The following ZNF804B variants were observed in gnomAD, a reference collection of about 807,000 sequenced individuals.
The protein encoded by ZNF804B is zinc finger 804B.
Under a neutral mutation model 101.4 loss-of-function variants are expected in ZNF804B, and 80 were observed. That is an observed-to-expected ratio of 0.79 (90% CI 0.66 to 0.95). The LOEUF is 0.95. ZNF804B is among the 40% of genes least tolerant of loss of function. ZNF804B has a pLI of 0.00. For missense variants in ZNF804B, 1,673 were observed against 1,561.9 expected, an observed-to-expected ratio of 1.07 and a Z score of -1.20; for synonymous variants, 622 against 558.8, an observed-to-expected ratio of 1.11 and a Z score of -1.59.
chr7:89,210,208 GTTAA>G (rs1398605641), intron 1 of ZNF804B, among the ~76,000 whole-genome samples: 1 of 151,330 alleles, frequency 6.6e-6, no homozygotes, highest in African/African-American at 2.4e-5. Flanking sequence ...TAATATTAAT[GTTAA>G]TTAAGTACAT....
intron 2 of ZNF804B, among the ~76,000 whole-genome samples, chr7:89,277,418 G>C (rs947250529): frequency 7.6e-6 from 1 of 130,786 alleles, no homozygotes; most frequent in South Asian, 2.4e-4. Flanking sequence ...ATGCTGGTGC[G>C]CTGCACCCAC....
intron 1 of ZNF804B, among the ~76,000 whole-genome samples, chr7:89,084,897 A>T (rs762996024): frequency 2.6e-5 from 4 of 151,994 alleles, no homozygotes; most frequent in Non-Finnish European, 5.9e-5. Context: ...GGTTTCTAAT[A>T]AGTAAAAATA....
chr7:88,909,382 A>G (rs1343913625), intron 1 of ZNF804B, among the ~76,000 whole-genome samples: 2 of 151,836 alleles, frequency 1.3e-5, no homozygotes, highest in Non-Finnish European at 3.0e-5. Flanking sequence ...GTAAGGATGA[A>G]AGAGCTGTGT....
intron 1 of ZNF804B, among the ~76,000 whole-genome samples, chr7:88,996,655 A>G (rs1788203698): frequency 6.6e-6 from 1 of 152,132 alleles, no homozygotes; most frequent in Admixed American, 6.6e-5. Context: ...ACTCTGTGCT[A>G]AAGAGTGATT....
chr7:88,788,654 A>T (rs531251255), intron 1 of ZNF804B, among the ~76,000 whole-genome samples: 1 of 152,212 alleles, frequency 6.6e-6, no homozygotes, highest in South Asian at 2.1e-4. Context: ...TTGTATCTTC[A>T]GGGTGTAGGC....
At chr7:88,816,709 C>T (rs1216080176) in intron 1 of ZNF804B, among the ~76,000 whole-genome samples, 44 of 141,744 alleles carry the variant, frequency 3.1e-4, no homozygotes, top group Admixed American at 9.5e-4. Flanking sequence ...GTTAGAATGG[C>T]GATCATTAAA....
At chr7:89,159,638 A>G (rs1340840406) in intron 1 of ZNF804B, among the ~76,000 whole-genome samples, 1 of 152,168 alleles carries the variant, frequency 6.6e-6, no homozygotes, top group Non-Finnish European at 1.5e-5. Flanking sequence ...ACATCTGATA[A>G]TAGTTCATCA....
At chr7:89,260,402 A>G (rs1789693942) in intron 2 of ZNF804B, among the ~76,000 whole-genome samples, 1 of 151,984 alleles carries the variant, frequency 6.6e-6, no homozygotes, top group Non-Finnish European at 1.5e-5. Context: ...TTAGGTAGAT[A>G]TACTTTCCCC....
intron 2 of ZNF804B, among the ~76,000 whole-genome samples, chr7:89,250,276 A>G (rs973196098): frequency 1.3e-5 from 2 of 152,124 alleles, no homozygotes; most frequent in Non-Finnish European, 2.9e-5. Context: ...TTCCACAGAT[A>G]CCAAAGACCC....
intron 1 of ZNF804B, among the ~76,000 whole-genome samples, chr7:89,050,933 G>A (rs553631309): frequency 6.6e-6 from 1 of 151,736 alleles, no homozygotes; most frequent in South Asian, 2.1e-4. Flanking sequence ...TTTTGTTGAG[G>A]TTTTATTAAG....
chr7:89,012,287 C>T (rs561050936), intron 1 of ZNF804B, among the ~76,000 whole-genome samples: 2 of 152,184 alleles, frequency 1.3e-5, no homozygotes, highest in East Asian at 3.9e-4. Context: ...GGAGGGGCTG[C>T]CGTGAAGACT....
intron 1 of ZNF804B, among the ~76,000 whole-genome samples, chr7:89,190,233 G>A (rs950899775): frequency 2.6e-5 from 4 of 151,766 alleles, no homozygotes; most frequent in African/African-American, 7.3e-5. Context: ...TACTCAGTAG[G>A]CTGAGGCAGG....
intron 1 of ZNF804B, among the ~76,000 whole-genome samples, chr7:88,843,970 T>TA (rs938229471): frequency 2.0e-5 from 3 of 152,088 alleles, no homozygotes; most frequent in African/African-American, 4.8e-5. Context: ...TTATAAAGAT[T>TA]AAAAAATCTT....
Position 88,853,666 on chromosome 7 carries a change from A to T in ZNF804B, c.108+93582A>T, listed in dbSNP as rs185502980. ...TCAAATATAGAAAGTTAGTCCCCAAATATTGTATAAATGTGTATATATATT... is the reference window on the plus strand; with the variant it reads ...TCAAATATAGAAAGTTAGTCCCCAATTATTGTATAAATGTGTATATATATT... On this transcript the variant is annotated intron_variant, in intron 1 of 3. Transcript: ENST00000333190. 2.4e-3 allele frequency among the ~76,000 whole-genome samples: 358 copies of T among 152,208 alleles called. 3 individuals carry two copies. The highest frequency in any genetic ancestry group is 8.3e-3 in the African/African-American group (343 of 41,542).
At chr7:89,128,595 A>G (rs1177710010) in intron 1 of ZNF804B, among the ~76,000 whole-genome samples, 1 of 151,816 alleles carries the variant, frequency 6.6e-6, no homozygotes, top group Non-Finnish European at 1.5e-5. Context: ...ACATCTTTTT[A>G]TGTTTATCAG....
At chr7:88,962,114 A>G (rs1012775660) in intron 1 of ZNF804B, among the ~76,000 whole-genome samples, 1 of 151,328 alleles carries the variant, frequency 6.6e-6, no homozygotes, top group Admixed American at 6.6e-5. Context: ...ATTGCATTGA[A>G]GAAACTGGTA....
intron 1 of ZNF804B, among the ~76,000 whole-genome samples, chr7:88,976,001 T>A (rs1347758736): frequency 1.3e-5 from 2 of 151,708 alleles, no homozygotes; most frequent in African/African-American, 4.8e-5. Context: ...TATCCAGTTT[T>A]CCCAGTGCCA....
In ZNF804B at chr7:89,336,322, A is replaced by G; in HGVS notation, c.3340A>G (p.Ile1114Val). The part of the protein sequence containing the change: ...SMHINHVEGN[I>V]NSYYDRTMQK... ...GCATATAAATCATGTAGAGGGAAAT[A>G]TAAACTCTTACTATGACAGAACTAT... The change falls in exon 4 of 4, where the codon ATA becomes GTA. Residue 1114 changes from isoleucine to valine, a missense_variant. Physicochemically the swap from Ile to Val is conservative, Grantham distance 29. Transcript: ENST00000333190. The G allele has an allele frequency of 6.2e-7, 1 of 1,613,958 alleles. No individual in the cohort carries two copies. The highest frequency in any genetic ancestry group is 8.5e-7 in the Non-Finnish European group (1 of 1,179,968).
chr7:88,978,608 A>G (rs2116127451), intron 1 of ZNF804B, among the ~76,000 whole-genome samples: 1 of 150,210 alleles, frequency 6.7e-6, no homozygotes, highest in South Asian at 2.1e-4. Flanking sequence ...TTCTAGGTGA[A>G]GTGTGTTTCT....
Sources: allele counts gnomAD v4.1 joint callset (sites outside exome capture counted in the v4.1 genomes callset), GRCh38; gene constraint gnomAD v4.1.1; transcripts MANE v1.5; gene names NCBI Gene and HGNC (gene_info 2026-07-23, HGNC 2026-07-21).